Variants in ABLIM1 observed in about 807,000 individuals in gnomAD.
ABLIM1 encodes the protein actin-binding LIM protein 1.
A neutral mutation model predicts 107.0 loss-of-function variants in ABLIM1; 40 were observed. The ratio of observed to expected loss-of-function variants is 0.37; its 90% CI spans 0.29 to 0.49. The LOEUF is 0.49. ABLIM1 is among the 20% of genes least tolerant of loss of function. ABLIM1 has a pLI of 0.97. For missense variants in ABLIM1, 857 were observed against 1,008.5 expected (o/e 0.85, Z 2.04); for synonymous variants, 357 against 357.3 (o/e 1.00, Z 0.01).
chr10:114,583,219 G>T (rs561207416), intron 2 of ABLIM1, among the ~76,000 whole-genome samples: 8 of 151,160 alleles, frequency 5.3e-5, no homozygotes, highest in Non-Finnish European at 8.8e-5. Flanking sequence ...CTTAAAAGAA[G>T]ATATGCAAGA....
intron 4 of ABLIM1, among the ~76,000 whole-genome samples, chr10:114,548,386 A>C (rs1244262457): frequency 6.6e-6 from 1 of 152,146 alleles, no homozygotes. Flanking sequence ...TCTTCATGGT[A>C]AAGAGTGTGG....
intron 1 of ABLIM1, among the ~76,000 whole-genome samples, chr10:114,767,379 T>G (rs1053565573): frequency 4.6e-5 from 7 of 152,212 alleles, no homozygotes; most frequent in Admixed American, 2.0e-4. Flanking sequence ...ACTTGATCTC[T>G]TTAATATTTC....
chr10:114,788,631 G>A, the ABLIM1 span, among the ~76,000 whole-genome samples: 1 of 152,132 alleles, frequency 6.6e-6, no homozygotes, highest in East Asian at 1.9e-4. Context: ...CAAAGGCTGA[G>A]GCAGGAGAAT....
chr10:114,437,818 G>A (rs774184098), intron 22 of ABLIM1, 26 bp downstream of exon 22: 50 of 1,596,980 alleles, frequency 3.1e-5, no homozygotes, highest in Non-Finnish European at 4.2e-5. Flanking sequence ...CTGCAGTTGG[G>A]ACTGGATTTT....
chr10:114,579,067 G>A (rs1384376784), intron 2 of ABLIM1, among the ~76,000 whole-genome samples: 1 of 151,976 alleles, frequency 6.6e-6, no homozygotes, highest in Non-Finnish European at 1.5e-5. Flanking sequence ...TATTACAGAC[G>A]TGAGACACTG....
intron 22 of ABLIM1, among the ~76,000 whole-genome samples, chr10:114,436,727 A>G (rs1268074726): frequency 6.6e-6 from 1 of 152,238 alleles, no homozygotes; most frequent in South Asian, 2.1e-4. Context: ...TAGAAAGCCA[A>G]AGAAAATGAC....
Position 114,640,515 on chromosome 10 carries a change from A to G in ABLIM1, c.244+17442T>C, listed in dbSNP as rs184851281. On this transcript the variant is annotated intron_variant, in intron 1 of 22. Coordinates refer to ENST00000533213, the MANE Select transcript of ABLIM1 (RefSeq NM_002313.7). ...GCACTCCAGCCTGGATGACAGAGCAAGACACCATCTCAAAACAAACAAACC... is the reference window on the plus strand; with the variant it reads ...GCACTCCAGCCTGGATGACAGAGCAGGACACCATCTCAAAACAAACAAACC... Among the ~76,000 whole-genome samples the G allele has an allele frequency of 4.1e-3, 618 of 151,824 alleles. 4 individuals carry two copies. The highest frequency in any genetic ancestry group is 0.014 in the African/African-American group (590 of 41,470).
intron 1 of ABLIM1, among the ~76,000 whole-genome samples, chr10:114,635,098 C>T (rs1462148040): frequency 6.6e-6 from 1 of 152,210 alleles, no homozygotes; most frequent in Non-Finnish European, 1.5e-5. Flanking sequence ...TTATCTCAAT[C>T]TCATTCCACT....
In ABLIM1 at chr10:114,491,012, G is replaced by GTGTGTGTGTATATATATATA; in HGVS notation, c.982+778_982+779insTATATATATATACACACACA. On this transcript the variant is annotated intron_variant, in intron 7 of 22. Transcript: ENST00000533213. ...TGTGTGTGTGTGTGTGTGTGTGTGT[G>GTGTGTGTGTATATATATATA]TATATATATATATGGTCTATTTTAT... Among the ~76,000 whole-genome samples, 127 of 92,374 alleles carry GTGTGTGTGTATATATATATA rather than the reference G, an allele frequency of 1.4e-3. 1 individual carries two copies. The highest frequency in any genetic ancestry group is 4.1e-3 in the African/African-American group (89 of 21,696). The allele number at this position is 92,374 out of a possible 152,430, so 60.6% of individuals were successfully genotyped here. A position where few individuals can be genotyped will look rare whatever the true frequency, so the allele number is the denominator to read the frequency against.
chr10:114,495,912 C>G (rs1474350748), intron 6 of ABLIM1, among the ~76,000 whole-genome samples: 1 of 152,142 alleles, frequency 6.6e-6, no homozygotes, highest in Non-Finnish European at 1.5e-5. Context: ...CACTAATAAC[C>G]ATACAGTATG....
intron 1 of ABLIM1, among the ~76,000 whole-genome samples, chr10:114,762,630 C>T (rs994678029): frequency 7.2e-5 from 11 of 152,170 alleles, no homozygotes; most frequent in African/African-American, 2.2e-4. Context: ...ACCTTCCCTC[C>T]TCACCCTTAC....
chr10:114,653,634 A>C (rs907547079), intron 1 of ABLIM1, among the ~76,000 whole-genome samples: 2 of 152,202 alleles, frequency 1.3e-5, no homozygotes, highest in Non-Finnish European at 2.9e-5. Context: ...CAAGAACAGT[A>C]CTACATCTAC....
chr10:114,797,482 C>G, the ABLIM1 span, among the ~76,000 whole-genome samples: 1 of 152,212 alleles, frequency 6.6e-6, no homozygotes, highest in Admixed American at 6.5e-5. Flanking sequence ...AGCACTCTTA[C>G]ACACACTTAG....
At chr10:114,447,543 T>C (rs1167561496) in intron 15 of ABLIM1, among the ~76,000 whole-genome samples, 2 of 152,218 alleles carry the variant, frequency 1.3e-5, no homozygotes, top group South Asian at 4.1e-4. Context: ...TATAGAACAA[T>C]GTTCTTGCCA....
intron 1 of ABLIM1, among the ~76,000 whole-genome samples, chr10:114,752,796 T>C (rs1337454480): frequency 6.6e-6 from 1 of 152,206 alleles, no homozygotes. Context: ...CTGCATAGTA[T>C]TCCATGGTGT....
At chr10:114,744,338 T>C (rs2082342188) in intron 1 of ABLIM1, among the ~76,000 whole-genome samples, 2 of 152,316 alleles carry the variant, frequency 1.3e-5, no homozygotes, top group East Asian at 1.9e-4. Context: ...CTCAACCATC[T>C]GGGGAGAAGA....
At chr10:114,677,341 C>G (rs1229466729) in intron 1 of ABLIM1, among the ~76,000 whole-genome samples, 1 of 152,182 alleles carries the variant, frequency 6.6e-6, no homozygotes, top group African/African-American at 2.4e-5. Context: ...ACAAAAAACC[C>G]AGAAATACCT....
intron 1 of ABLIM1, among the ~76,000 whole-genome samples, chr10:114,615,206 C>A (rs1021477008): frequency 5.3e-5 from 8 of 152,212 alleles, no homozygotes; most frequent in Non-Finnish European, 1.2e-4. Context: ...ACTAATCCTT[C>A]TTTCACTGCC....
intron 15 of ABLIM1, 34 bp downstream of exon 15, chr10:114,447,846 T>C (rs375054775): frequency 3.7e-6 from 6 of 1,612,870 alleles, no homozygotes; most frequent in African/African-American, 1.3e-5. Context: ...TCCTAGCAGT[T>C]TGTCCCTTTG....
Sources: allele counts gnomAD v4.1 joint callset (sites outside exome capture counted in the v4.1 genomes callset), GRCh38; gene constraint gnomAD v4.1.1; transcripts MANE v1.5; gene names NCBI Gene and HGNC (gene_info 2026-07-23, HGNC 2026-07-21).